The following CELSR1 variants were observed in gnomAD, a reference collection of about 807,000 sequenced individuals.
CELSR1 encodes the protein cadherin EGF LAG seven-pass G-type receptor 1.
In CELSR1, 110 loss-of-function variants were observed where a neutral mutation model predicts 249.1. That is an observed-to-expected ratio of 0.44 (90% CI 0.38 to 0.52). The LOEUF is 0.52. Ranked by LOEUF, CELSR1 falls within the 20% of genes least tolerant of loss-of-function variation. The pLI, the probability that CELSR1 is intolerant of heterozygous loss-of-function variation, is 0.00. For missense variants in CELSR1, 4,109 were observed against 4,296.4 expected, an observed-to-expected ratio of 0.96 and a Z score of 1.22; for synonymous variants, 2,113 against 1,900.0, an observed-to-expected ratio of 1.11 and a Z score of -2.92.
chr22:46,424,511 G>GTA (rs1387609872), intron 5 of CELSR1, among the ~76,000 whole-genome samples: 1 of 152,144 alleles, frequency 6.6e-6, no homozygotes, highest in Non-Finnish European at 1.5e-5. Context: ...CAAAAAGATA[G>GTA]TATAATATCA....
At chr22:46,400,049 G>T in intron 9 of CELSR1, 147 bp from the exon 10 acceptor site, 1 of 816,568 alleles carries the variant, frequency 1.2e-6, no homozygotes, top group Admixed American at 2.7e-5. Context: ...GGCAAAGTTG[G>T]CCAGGTGCGG....
chr22:46,463,501 G>A (rs2080056256), intron 2 of CELSR1, among the ~76,000 whole-genome samples: 1 of 148,628 alleles, frequency 6.7e-6, no homozygotes, highest in Non-Finnish European at 1.5e-5. Context: ...GGACAATAGA[G>A]TGAGATCATC....
chr22:46,404,000 A>T (rs867139423), intron 9 of CELSR1, among the ~76,000 whole-genome samples: 1 of 148,692 alleles, frequency 6.7e-6, no homozygotes, highest in African/African-American at 2.5e-5. Context: ...AGAAAAAAAG[A>T]AAAAAAAAAC....
chr22:46,481,603 G>A (rs1398812863), intron 1 of CELSR1: 99 of 732,090 alleles, frequency 1.4e-4, no homozygotes, highest in Non-Finnish European at 1.2e-4. Flanking sequence ...CACCTGCTCC[G>A]TGGAGGCCTG....
rs887362635 is a variant in CELSR1, at chr22:46,396,364, C to T, written c.5843+241G>A. On this transcript the variant is annotated intron_variant, in intron 13 of 34. Coordinates refer to ENST00000674500, the MANE Select transcript of CELSR1 (RefSeq NM_001378328.1). The surrounding 1 kb of genome is among the most constrained non-coding windows in gnomAD (Gnocchi z 6.4). ...CAGAGGTTGCAAGGAGCCAAGATCGCGCCATTGCACTCCAGCCTGGGTGAC... is the reference window on the plus strand; with the variant it reads ...CAGAGGTTGCAAGGAGCCAAGATCGTGCCATTGCACTCCAGCCTGGGTGAC... 2.0e-5 allele frequency among the ~76,000 whole-genome samples: 3 copies of T among 151,908 alleles called. No individual in the cohort carries two copies. Among genetic ancestry groups the T allele is most frequent in the African/African-American group, 4.8e-5 (2 of 41,326 alleles).
At chr22:46,420,197 C>A (rs1294263052) in intron 5 of CELSR1, among the ~76,000 whole-genome samples, 15 of 151,854 alleles carry the variant, frequency 9.9e-5, no homozygotes, top group Admixed American at 9.2e-4. Context: ...CATGTGCACA[C>A]CTACCCACAC....
chr22:46,519,872 C>CTTTT (rs369906485), intron 1 of CELSR1, among the ~76,000 whole-genome samples: 2 of 138,900 alleles, frequency 1.4e-5, no homozygotes, highest in Non-Finnish European at 1.6e-5. Context: ...ACCCCTATTG[C>CTTTT]TTTTTTTTTT....
In CELSR1 at chr22:46,535,144, G is replaced by A. The variant is rs144638459; in HGVS notation, c.2027C>T (p.Thr676Met). ...PMSSSTSVSI[T>M]VLDVNDNDPV... ...GTCGTTGTCATTCACGTCCAGCACC[G>A]TGATGGACACGCTGGTGGAGGAGCT... Residue 676 changes from threonine (T) to methionine (M), a missense_variant, in exon 1 of 35, where the codon ACG (threonine) becomes ATG (methionine). By Grantham distance (81) the Thr-to-Met change is moderately conservative. Coordinates refer to ENST00000674500, the MANE Select transcript of CELSR1 (RefSeq NM_001378328.1). The A allele has an allele frequency of 1.1e-5, 18 of 1,610,220 alleles. No homozygotes were observed. Among genetic ancestry groups the A allele is most frequent in the Admixed American group, 5.0e-5 (3 of 59,874 alleles).
At position 46,372,938 on chromosome 22, in the gene CELSR1, C is replaced by T. The variant is rs747454782; in HGVS notation, c.7704G>A (p.Thr2568=). 14 of 1,613,174 alleles carry T rather than the reference C, an allele frequency of 8.7e-6. No individual in the cohort carries two copies. Among genetic ancestry groups the T allele is most frequent in the East Asian group, 4.5e-5 (2 of 44,874 alleles). Residue 2568 remains threonine, a synonymous_variant, in exon 25 of 35, where the codon ACG becomes ACA. Coordinates refer to ENST00000674500, the MANE Select transcript of CELSR1 (RefSeq NM_001378328.1). ...RMLTEVRNID[T]GPMRFYYVVG... is the part of the protein sequence containing the mutation. ...CGACGTAGTAGAACCGCATGGGCCC[C>T]GTGTCGATGTTGCGCACCTCGGTCA...
In CELSR1 at chr22:46,398,419, G is replaced by T; in HGVS notation, c.5526+105C>A. On this transcript the variant is annotated intron_variant, in intron 11 of 34. Transcript: ENST00000674500. The surrounding 1 kb of genome is among the most constrained non-coding windows in gnomAD (Gnocchi z 7.2). ...TGCCTGTCAGACAAATTCTTCACTC[G>T]TTGAAAGCTAACAGGTTGACCAACG... 2 of 721,064 alleles carry T rather than the reference G, an allele frequency of 2.8e-6. No individual in the cohort carries two copies. Among genetic ancestry groups the T allele is most frequent in the Admixed American group, 3.1e-5 (1 of 32,780 alleles). 44.7% of individuals were successfully genotyped at this position (721,064 alleles called of 1,614,324 possible). A position where few individuals can be genotyped will look rare whatever the true frequency, so the allele number is the denominator to read the frequency against.
rs1602205699 is a variant in CELSR1 at position 46,490,068 on chromosome 22, C to G, written c.3545-25723G>C. 6.6e-6 allele frequency among the ~76,000 whole-genome samples: 1 copy of G among 152,190 alleles called. No individual in the cohort carries two copies. The highest frequency in any genetic ancestry group is 1.5e-5 in the Non-Finnish European group (1 of 68,036). The stretch of plus-strand genomic sequence containing the variant: ...AACGTGGCCACCCCACAGGGCTGCA[C>G]AGAGACCCAGTGAGCCGCTTTCTGA... On this transcript the variant is annotated intron_variant, in intron 1 of 34. Transcript: ENST00000674500. The surrounding 1 kb of genome is among the most constrained non-coding windows in gnomAD (Gnocchi z 5.2).
chr22:46,453,176 T>A (rs1401292399), intron 2 of CELSR1, among the ~76,000 whole-genome samples: 4 of 152,060 alleles, frequency 2.6e-5, no homozygotes, highest in African/African-American at 7.2e-5. Context: ...CCGAGGAAGG[T>A]GAGCCAGGCA....
At position 46,380,705 on chromosome 22, in the gene CELSR1, C is replaced by T. The variant is rs186331009; in HGVS notation, c.7256+83G>A. 4.2e-5 allele frequency: 63 copies of T among 1,486,770 alleles called. 1 individual carries two copies. Among genetic ancestry groups the T allele is most frequent in the Admixed American group, 3.0e-4 (16 of 52,980 alleles). The allele number at this position is 1,486,770 out of a possible 1,614,324, so 92.1% of individuals were successfully genotyped here. A position where few individuals can be genotyped will look rare whatever the true frequency, so the allele number is the denominator to read the frequency against. ...ACCACAAGAGACCGTCCTCTTGGGG[C>T]GCTCTGCCACTGAGCCCCCGACCCT... is the stretch of plus-strand genomic sequence containing the variant. On this transcript the variant is annotated intron_variant, in intron 22 of 34. Transcript: ENST00000674500. The surrounding 1 kb of genome is among the most constrained non-coding windows in gnomAD (Gnocchi z 5.1).
rs746414112 is a variant in CELSR1 at position 46,380,805 on chromosome 22, G to A, written c.7239C>T (p.Phe2413=). 2 of 1,612,894 alleles carry A rather than the reference G, an allele frequency of 1.2e-6. No individual in the cohort carries two copies. The highest frequency in any genetic ancestry group is 1.1e-5 in the South Asian group (1 of 91,076). The stretch of plus-strand genomic sequence containing the variant: ...ACACTTACGCCAGGGAGTGGTTCCA[G>A]AACACGCAGACAGGCTTGGTTCGCT... ...VEERTKPVCV[F]WNHSLAVGGT... Residue 2413 remains phenylalanine (F), a synonymous_variant, in exon 22 of 35, where the codon TTC becomes TTT. Transcript: ENST00000674500. The surrounding 1 kb of genome is among the most constrained non-coding windows in gnomAD (Gnocchi z 5.1).
Position 46,477,514 on chromosome 22 carries a change from C to CA in CELSR1, c.3545-13170_3545-13169insT, listed in dbSNP as rs1555926434. On this transcript the variant is annotated intron_variant, in intron 1 of 34. Coordinates refer to ENST00000674500, the MANE Select transcript of CELSR1 (RefSeq NM_001378328.1). ...TTTTTGTTTTGTTTTGTTTTATTGG[C>CA]TTTTTTTTTTTTTTGAGACGGAGTC... Among the ~76,000 whole-genome samples, 3 of 133,666 alleles carry CA rather than the reference C, an allele frequency of 2.2e-5. No homozygotes were observed. The South Asian group carries it at 7.0e-4, about 31-fold the overall frequency. 87.7% of individuals were successfully genotyped at this position (133,666 alleles called of 152,430 possible).
Position 46,381,002 on chromosome 22 carries a change from AT to A in CELSR1, c.7089-48del. The A allele has an allele frequency of 6.3e-7, 1 of 1,582,878 alleles. No individual in the cohort carries two copies. The highest frequency in any genetic ancestry group is 8.6e-7 in the Non-Finnish European group (1 of 1,157,032). ...ATGGGGACAAACACGGTGAGGAAAC[AT>A]CTGCTTAAATCCCGCGCACAAATGC... is the stretch of plus-strand genomic sequence containing the variant. On this transcript the variant is annotated intron_variant, in intron 21 of 34. Transcript: ENST00000674500. The surrounding 1 kb of genome is among the most constrained non-coding windows in gnomAD (Gnocchi z 6.0).
intron 28 of CELSR1, among the ~76,000 whole-genome samples, 161 bp downstream of exon 28, chr22:46,367,568 C>T (rs761851644): frequency 4.6e-5 from 7 of 152,200 alleles, no homozygotes; most frequent in Admixed American, 6.5e-5. Context: ...GCCCCCGTGC[C>T]GGCTGCACAA....
rs148190490 is a variant in CELSR1, at chr22:46,427,788, C to A, written c.4611+5605G>T. Among the ~76,000 whole-genome samples, 1 of 152,078 alleles carries A rather than the reference C, an allele frequency of 6.6e-6. No individual in the cohort carries two copies. Among genetic ancestry groups the A allele is most frequent in the Non-Finnish European group, 1.5e-5 (1 of 68,014 alleles). On this transcript the variant is annotated intron_variant, in intron 5 of 34. Transcript: ENST00000674500. The surrounding 1 kb of genome is among the most constrained non-coding windows in gnomAD (Gnocchi z 4.2). ...AAGGAGGGAGGGAAAGGGAAGGCTA[C>A]GTGGCCTCACCCAGGGGACCACACA...
chr22:46,397,849 C>G lies in CELSR1; in HGVS notation c.5527-1G>C. 3 of 1,555,864 alleles carry G rather than the reference C, an allele frequency of 1.9e-6. No homozygotes were observed. The highest frequency in any genetic ancestry group is 2.6e-6 in the Non-Finnish European group (3 of 1,147,950). ...TGGGCGTCCCCCCCATCCTCACTCC[C>G]TGCATTAAGTAAACGGCACTGGGGC... is the stretch of plus-strand genomic sequence containing the variant. On this transcript the variant is annotated splice_acceptor_variant, in intron 11 of 34. Transcript: ENST00000674500. LOFTEE classifies it high-confidence loss of function.
Sources: allele counts gnomAD v4.1 joint callset (sites outside exome capture counted in the v4.1 genomes callset), GRCh38; gene constraint gnomAD v4.1.1; non-coding constraint Gnocchi (gnomAD v3.1); transcripts MANE v1.5; gene names NCBI Gene and HGNC (gene_info 2026-07-23, HGNC 2026-07-21).